Variants in NRG1 observed in about 807,000 individuals in gnomAD.
The protein encoded by NRG1 is pro-neuregulin-1, membrane-bound isoform.
In NRG1, 18 loss-of-function variants were observed where a neutral mutation model predicts 63.8. The ratio of observed to expected loss-of-function variants is 0.28; its 90% CI spans 0.19 to 0.42. The LOEUF is 0.42. Among genes scored for constraint, NRG1 ranks in the 10% least tolerant of loss-of-function variants. The probability of loss-of-function intolerance (pLI) is 1.00; values close to 1 mark genes in which losing one functional copy is unlikely to be tolerated. For missense variants in NRG1, 762 were observed against 814.7 expected (o/e 0.94, Z 0.79); for synonymous variants, 302 against 301.3 (o/e 1.00, Z -0.02).
At chr8:31,649,627 C>A (rs1165506803) in intron 1 of NRG1, among the ~76,000 whole-genome samples, 1 of 151,958 alleles carries the variant, frequency 6.6e-6, no homozygotes, top group Non-Finnish European at 1.5e-5. Flanking sequence ...TTAATAAAAA[C>A]AATGATTTAA....
intron 1 of NRG1, among the ~76,000 whole-genome samples, chr8:31,864,312 G>A (rs891930519): frequency 6.6e-6 from 1 of 152,162 alleles, no homozygotes; most frequent in African/African-American, 2.4e-5. Flanking sequence ...ACCTCTTAGT[G>A]CAGTAGAGAC....
At chr8:32,417,749 T>C (rs10112870) in intron 1 of NRG1, among the ~76,000 whole-genome samples, 37,694 of 149,982 alleles carry the variant, frequency 0.25, 5,094 homozygotes, top group Middle Eastern at 0.33. Context: ...GGGGGTGTGT[T>C]ATAGAAGTAG....
chr8:32,287,880 C>T (rs1026842005), intron 1 of NRG1, among the ~76,000 whole-genome samples: 3 of 152,150 alleles, frequency 2.0e-5, no homozygotes, highest in Admixed American at 2.0e-4. Context: ...TGAGATACCA[C>T]ATCCACTGAT....
intron 1 of NRG1, among the ~76,000 whole-genome samples, chr8:32,131,314 A>C (rs1320545757): frequency 6.6e-6 from 1 of 152,032 alleles, no homozygotes; most frequent in Non-Finnish European, 1.5e-5. Context: ...CTGGAAATTC[A>C]GACTAAAATG....
chr8:31,772,692 A>C (rs1251780906), intron 1 of NRG1, among the ~76,000 whole-genome samples: 1 of 152,050 alleles, frequency 6.6e-6, no homozygotes, highest in African/African-American at 2.4e-5. Context: ...TCATGAAAAT[A>C]TTTTCTGCTT....
chr8:32,448,472 G>A (rs1587711847), intron 1 of NRG1, among the ~76,000 whole-genome samples: 1 of 152,282 alleles, frequency 6.6e-6, no homozygotes, highest in East Asian at 1.9e-4. Context: ...ATAGCTCCTG[G>A]GGATTGGAAT....
rs541004095 is a variant in NRG1 at position 31,914,961 on chromosome 8, T to G, written c.37+275530T>G. 7.6e-4 allele frequency among the ~76,000 whole-genome samples: 116 copies of G among 152,184 alleles called. 1 individual carries two copies. Among genetic ancestry groups the G allele is most frequent in the African/African-American group, 2.6e-3 (106 of 41,558 alleles). ...CAGAGTCACCATATGGTATAAATTA[T>G]TTTAAATTCCCACAATTATCAGTTA... On this transcript the variant is annotated intron_variant, in intron 1 of 10. Transcript: ENST00000519301.
chr8:32,064,533 G>A (rs555818946), intron 1 of NRG1, among the ~76,000 whole-genome samples: 3 of 152,126 alleles, frequency 2.0e-5, no homozygotes, highest in Non-Finnish European at 4.4e-5. Context: ...GCACAGCACA[G>A]AGCAGAATCC....
At chr8:32,103,213 C>A (rs1830797839) in intron 1 of NRG1, among the ~76,000 whole-genome samples, 1 of 152,288 alleles carries the variant, frequency 6.6e-6, no homozygotes, top group East Asian at 1.9e-4. Flanking sequence ...TGGTAACCAT[C>A]CTTCCATTCT....
chr8:31,854,116 G>T (rs1470122554), intron 1 of NRG1, among the ~76,000 whole-genome samples: 1 of 151,934 alleles, frequency 6.6e-6, no homozygotes, highest in Non-Finnish European at 1.5e-5. Flanking sequence ...TCAGGATGAT[G>T]CTGGCCTCAT....
chr8:32,245,436 A>G (rs1848507556), intron 1 of NRG1, among the ~76,000 whole-genome samples: 1 of 152,172 alleles, frequency 6.6e-6, no homozygotes, highest in Non-Finnish European at 1.5e-5. Flanking sequence ...GAAGGTGTCC[A>G]AACTGCTTTT....
At chr8:31,799,740 A>G (rs780652859) in intron 1 of NRG1, among the ~76,000 whole-genome samples, 4 of 152,086 alleles carry the variant, frequency 2.6e-5, no homozygotes, top group Non-Finnish European at 4.4e-5. Flanking sequence ...AGATATATGT[A>G]CGCCTGTATA....
intron 1 of NRG1, among the ~76,000 whole-genome samples, chr8:32,244,026 C>T (rs775771580): frequency 1.3e-5 from 2 of 152,124 alleles, no homozygotes; most frequent in Non-Finnish European, 2.9e-5. Flanking sequence ...CCTGAGCTGA[C>T]TAAGACAGGC....
At chr8:31,821,542 A>T (rs1325552611) in intron 1 of NRG1, among the ~76,000 whole-genome samples, 1 of 152,190 alleles carries the variant, frequency 6.6e-6, no homozygotes, top group Admixed American at 6.5e-5. Context: ...AGGCTGAAGT[A>T]CCTCACATAC....
chr8:32,201,036 C>A (rs965115412), intron 1 of NRG1, among the ~76,000 whole-genome samples: 1 of 152,122 alleles, frequency 6.6e-6, no homozygotes, highest in Admixed American at 6.6e-5. Flanking sequence ...GAATTCTGAG[C>A]CTTTCTTAGG....
intron 2 of NRG1, among the ~76,000 whole-genome samples, chr8:32,604,593 G>A (rs867569958): frequency 1.3e-5 from 2 of 152,072 alleles, no homozygotes; most frequent in African/African-American, 2.4e-5. Flanking sequence ...GTCTCACCCT[G>A]CTGCCCAGAC....
Position 32,742,655 on chromosome 8 carries a change from T to C in NRG1, c.633-20T>C, listed in dbSNP as rs112729292. ...TTTTTCTCTGTTTTTCTACCATTGTTTTTTTGTTTCTTCTCTCAGGTGCCC... is the reference window on the plus strand; with the variant it reads ...TTTTTCTCTGTTTTTCTACCATTGTCTTTTTGTTTCTTCTCTCAGGTGCCC... On this transcript the variant is annotated intron_variant, in intron 6 of 11. Transcript: ENST00000356819. The surrounding 1 kb of genome is among the most constrained non-coding windows in gnomAD (Gnocchi z 4.2). 6.2e-7 allele frequency: 1 copy of C among 1,609,396 alleles called. No homozygotes were observed. The highest frequency in any genetic ancestry group is 1.1e-5 in the South Asian group (1 of 90,988).
At chr8:32,017,723 G>T (rs1183501857) in intron 1 of NRG1, among the ~76,000 whole-genome samples, 1 of 152,196 alleles carries the variant, frequency 6.6e-6, no homozygotes, top group African/African-American at 2.4e-5. Context: ...GAAAAGATAC[G>T]TAAGGAAAGA....
intron 1 of NRG1, among the ~76,000 whole-genome samples, chr8:32,500,774 T>G (rs1375395118): frequency 6.6e-6 from 1 of 152,288 alleles, no homozygotes; most frequent in Non-Finnish European, 1.5e-5. Context: ...TTAGAAAGGG[T>G]TTCCTGACAT....
Sources: gnomAD v4.1 joint callset for allele counts (sites outside exome capture counted in the v4.1 genomes callset) on GRCh38, gnomAD v4.1.1 for gene constraint, Gnocchi (gnomAD v3.1) non-coding constraint, MANE v1.5 for transcripts, NCBI Gene and HGNC (gene_info 2026-07-23, HGNC 2026-07-21) for gene names.